The following PHTF2 variants were observed in gnomAD, a reference collection of about 807,000 sequenced individuals.
PHTF2 encodes the protein putative homeodomain transcription factor 2.
In PHTF2, 60 loss-of-function variants were observed where a neutral mutation model predicts 101.2. The observed-to-expected ratio is 0.59, with a 90% CI of 0.48 to 0.73. The LOEUF (loss-of-function observed/expected upper bound fraction) is 0.73. PHTF2 is among the 30% of genes least tolerant of loss of function. PHTF2 has a pLI of 0.00. For missense variants in PHTF2, 747 were observed against 908.7 expected, an observed-to-expected ratio of 0.82 and a Z score of 2.29; for synonymous variants, 311 against 307.3, an observed-to-expected ratio of 1.01 and a Z score of -0.13.
At chr7:77,893,468 A>G in intron 3 of PHTF2, 140 bp from the exon 3 acceptor site, 1 of 460,292 alleles carries the variant, frequency 2.2e-6, no homozygotes, top group Non-Finnish European at 3.9e-6. Flanking sequence ...CAATAATATG[A>G]TACTGATCTG....
chr7:77,877,895 G>A (rs147617869), intron 3 of PHTF2, among the ~76,000 whole-genome samples: 203 of 152,282 alleles, frequency 1.3e-3, no homozygotes, highest in African/African-American at 4.2e-3. Flanking sequence ...GTCTAGAATG[G>A]AAAGTCTGGC....
intron 2 of PHTF2, chr7:77,854,646 T>A: frequency 1.5e-6 from 1 of 669,904 alleles, no homozygotes; most frequent in Non-Finnish European, 2.7e-6. Flanking sequence ...AGAAATCTAC[T>A]CCATGCTGTA....
rs548886328 is a variant in PHTF2, at chr7:77,830,824, T to C, written c.-35-9397T>C. Among the ~76,000 whole-genome samples the C allele has an allele frequency of 1.9e-4, 29 of 152,352 alleles. No homozygotes were observed. In the South Asian group the frequency reaches 5.8e-3, roughly 30 times the overall value. On this transcript the variant is annotated intron_variant, in intron 1 of 19. Coordinates refer to ENST00000416283, the Ensembl canonical transcript of PHTF2. ...GAATCCAACACTTAATTTTAGTCCA[T>C]GCATGACCCGCCCATTATTTTACTT...
At chr7:77,909,964 G>C in intron 8 of PHTF2, 1 of 227,190 alleles carries the variant, frequency 4.4e-6, no homozygotes, top group Non-Finnish European at 8.5e-6. Flanking sequence ...ATTCAAATAG[G>C]GAAGAAATGC....
intron 1 of PHTF2, among the ~76,000 whole-genome samples, chr7:77,823,929 G>T (rs1045857130): frequency 2.0e-5 from 3 of 152,180 alleles, no homozygotes; most frequent in African/African-American, 7.2e-5. Context: ...TTTAAGTGAT[G>T]AGGTCAGTAT....
chr7:77,832,437 G>A (rs1349785466), intron 1 of PHTF2, among the ~76,000 whole-genome samples: 1 of 152,158 alleles, frequency 6.6e-6, no homozygotes, highest in Non-Finnish European at 1.5e-5. Context: ...CAGCTGTATC[G>A]ACTTTGTCCG....
At chr7:77,906,563 C>T (rs1053231141) in intron 7 of PHTF2, 6 of 152,106 alleles carry the variant, frequency 3.9e-5, no homozygotes, top group African/African-American at 1.4e-4. Context: ...CCTAGGATTA[C>T]AGAGAATGGT....
chr7:77,857,414 A>G (rs1471407440), intron 3 of PHTF2, among the ~76,000 whole-genome samples: 1 of 152,214 alleles, frequency 6.6e-6, no homozygotes, highest in Non-Finnish European at 1.5e-5. Context: ...TAGTTCAGCC[A>G]TTATCCGCTA....
At chr7:77,829,241 T>C (rs1212760628) in intron 1 of PHTF2, among the ~76,000 whole-genome samples, 1 of 152,166 alleles carries the variant, frequency 6.6e-6, no homozygotes. Context: ...CAAAACACTT[T>C]TATTTAGTAC....
chr7:77,910,581 T>C (rs1802293804), intron 9 of PHTF2, among the ~76,000 whole-genome samples, 172 bp downstream of exon 8: 1 of 152,240 alleles, frequency 6.6e-6, no homozygotes, highest in South Asian at 2.1e-4. Flanking sequence ...CTGTAAACTT[T>C]ATTTGGCTCA....
intron 1 of PHTF2, among the ~76,000 whole-genome samples, chr7:77,819,431 T>C (rs1352099980): frequency 6.6e-6 from 1 of 152,222 alleles, no homozygotes; most frequent in Non-Finnish European, 1.5e-5. Context: ...TTTGAGAGGT[T>C]TTAATCATGA....
At chr7:77,946,035 G>T (rs905737999) in intron 16 of PHTF2, among the ~76,000 whole-genome samples, 2 of 152,096 alleles carry the variant, frequency 1.3e-5, no homozygotes, top group Middle Eastern at 3.2e-3. Context: ...AACTGAGCTG[G>T]TTTCATTTAT....
chr7:77,913,330 G>A (rs1802583456), intron 9 of PHTF2, among the ~76,000 whole-genome samples: 1 of 150,378 alleles, frequency 6.6e-6, no homozygotes, highest in African/African-American at 2.5e-5. Flanking sequence ...GGAGGTTGTA[G>A]TGAGTCAAGA....
At chr7:77,841,612 G>A (rs1795894329) in intron 2 of PHTF2, among the ~76,000 whole-genome samples, 1 of 152,020 alleles carries the variant, frequency 6.6e-6, no homozygotes, top group Non-Finnish European at 1.5e-5. Flanking sequence ...ATGGGATTAT[G>A]GTCTGTTTTT....
chr7:77,874,004 TC>T (rs1798734029), intron 3 of PHTF2, among the ~76,000 whole-genome samples: 1 of 152,184 alleles, frequency 6.6e-6, no homozygotes, highest in African/African-American at 2.4e-5. Context: ...GGAGATAGAA[TC>T]CCTGAGTTCA....
intron 16 of PHTF2, among the ~76,000 whole-genome samples, chr7:77,943,378 C>T (rs1262882753): frequency 2.6e-5 from 4 of 152,140 alleles, no homozygotes; most frequent in South Asian, 2.1e-4. Context: ...CTGCCCGCCT[C>T]GGCCTCCCAA....
intron 3 of PHTF2, among the ~76,000 whole-genome samples, chr7:77,873,097 T>A (rs145664332): frequency 2.0e-5 from 3 of 152,074 alleles, no homozygotes; most frequent in Non-Finnish European, 4.4e-5. Context: ...CCTGGCTAAT[T>A]TTTTGTATTT....
intron 19 of PHTF2, among the ~76,000 whole-genome samples, chr7:77,954,646 A>G (rs556683013): frequency 2.6e-4 from 37 of 142,940 alleles, no homozygotes; most frequent in Non-Finnish European, 4.6e-4. Context: ...ATATATATAT[A>G]GCCACTTCTC....
chr7:77,940,864 T>C lies in PHTF2; in HGVS notation c.1872+205T>C, dbSNP rs534779869. ...TACTTAAAAAAGAATTTAAAAAAAATAACCAATGAGTTTCCTCACAGAAGT... is the reference window on the plus strand; with the variant it reads ...TACTTAAAAAAGAATTTAAAAAAAACAACCAATGAGTTTCCTCACAGAAGT... On this transcript the variant is annotated intron_variant, in intron 15 of 19. Transcript: ENST00000416283. Among the ~76,000 whole-genome samples, 19 of 152,312 alleles carry C rather than the reference T, an allele frequency of 1.2e-4. 2 individuals carry two copies. The South Asian group carries it at 1.9e-3, about 15-fold the overall frequency.
Sources: allele counts gnomAD v4.1 joint callset (sites outside exome capture counted in the v4.1 genomes callset), GRCh38; gene constraint gnomAD v4.1.1; transcripts MANE v1.5; gene names NCBI Gene and HGNC (gene_info 2026-07-23, HGNC 2026-07-21).